The following ATP11B variants were observed in gnomAD, a reference collection of about 807,000 sequenced individuals.
ATP11B encodes ATPase phospholipid transporting 11B (putative).
ATP11B carries 81 observed loss-of-function variants against 157.8 expected under a neutral mutation model. The ratio of observed to expected loss-of-function variants is 0.51; its 90% confidence interval spans 0.43 to 0.62. The LOEUF (loss-of-function observed/expected upper bound fraction) is 0.62. ATP11B is among the 20% of genes least tolerant of loss of function. The probability of loss-of-function intolerance (pLI) is 0.00; values close to 1 mark genes in which losing one functional copy is unlikely to be tolerated. For missense variants in ATP11B, 1,165 were observed against 1,402.2 expected, an observed-to-expected ratio of 0.83 and a Z score of 2.70; for synonymous variants, 451 against 469.4, an observed-to-expected ratio of 0.96 and a Z score of 0.51.
rs1725415647 is a variant in ATP11B, at chr3:182,920,581, C to T, written c.*2477C>T. 1 of 152,172 alleles carries T rather than the reference C, an allele frequency of 6.6e-6. No homozygotes were observed. The highest frequency in any genetic ancestry group is 2.4e-5 in the African/African-American group (1 of 41,436). 9.4% of individuals were successfully genotyped at this position (152,172 alleles called of 1,614,324 possible). A position where few individuals can be genotyped will look rare whatever the true frequency, so the allele number is the denominator to read the frequency against. ...CAAAACCAGAGCAAAATGCTAAATA[C>T]GTTATTGCTAATCAGTGGTCTCAAA... On this transcript the variant is annotated 3_prime_UTR_variant, in exon 30 of 30. Transcript: ENST00000323116.
chr3:182,867,394 T>C lies in ATP11B; in HGVS notation c.1638T>C (p.Ile546=). The C allele has an allele frequency of 6.2e-7, 1 of 1,610,364 alleles. No individual in the cohort carries two copies. The highest frequency in any genetic ancestry group is 8.5e-7 in the Non-Finnish European group (1 of 1,176,806). ...EAAARIGIVF[I]GNSEETMEVK... is the part of the protein sequence containing the mutation. The stretch of plus-strand genomic sequence containing the variant: ...TGTCTAGGATTGGTATTGTGTTTAT[T>C]GGCAATTCTGAAGAAACTATGGAGG... The change falls in exon 15 of 30, where the codon ATT becomes ATC. Residue 546 remains isoleucine, a synonymous_variant. Transcript: ENST00000323116.
chr3:182,888,934 C>G (rs1369736809), intron 24 of ATP11B, among the ~76,000 whole-genome samples: 1 of 150,446 alleles, frequency 6.6e-6, no homozygotes, highest in African/African-American at 2.5e-5. Flanking sequence ...GTGATCTTAG[C>G]TCACTGCAAC....
intron 4 of ATP11B, among the ~76,000 whole-genome samples, chr3:182,832,941 T>C (rs1718264064): frequency 6.6e-6 from 1 of 152,042 alleles, no homozygotes; most frequent in African/African-American, 2.4e-5. Flanking sequence ...GGAAATATTA[T>C]TATTATTATT....
At chr3:182,908,869 C>A (rs1724570014) in intron 28 of ATP11B, among the ~76,000 whole-genome samples, 1 of 152,162 alleles carries the variant, frequency 6.6e-6, no homozygotes, top group Non-Finnish European at 1.5e-5. Context: ...CAAACCTCTT[C>A]TTTTTTCATT....
At chr3:182,913,833 C>G (rs1481449569) in intron 28 of ATP11B, 28 bp from the exon 29 acceptor site, 1 of 1,613,888 alleles carries the variant, frequency 6.2e-7, no homozygotes, top group East Asian at 2.2e-5. Flanking sequence ...CTTTAAACAA[C>G]TGATGTTTTC....
intron 20 of ATP11B, among the ~76,000 whole-genome samples, chr3:182,880,437 C>A (rs1347707534): frequency 6.6e-6 from 1 of 151,994 alleles, no homozygotes; most frequent in Admixed American, 6.5e-5. Flanking sequence ...AGAAATATTT[C>A]TTTTGAGTTC....
intron 9 of ATP11B, among the ~76,000 whole-genome samples, chr3:182,846,893 T>C (rs1719574466): frequency 6.6e-6 from 1 of 152,154 alleles, no homozygotes; most frequent in South Asian, 2.1e-4. Flanking sequence ...TTCAAAATTA[T>C]AAACGTACTA....
intron 4 of ATP11B, among the ~76,000 whole-genome samples, chr3:182,832,461 A>G (rs1299404758): frequency 2.0e-5 from 3 of 152,234 alleles, no homozygotes; most frequent in Non-Finnish European, 4.4e-5. Context: ...GAATACTTCC[A>G]TATATTGTTC....
At chr3:182,797,221 T>G (rs1035897988) in intron 1 of ATP11B, among the ~76,000 whole-genome samples, 3 of 152,220 alleles carry the variant, frequency 2.0e-5, no homozygotes, top group African/African-American at 7.2e-5. Context: ...TCTTTACTTT[T>G]TCTCTTAACT....
At chr3:182,903,308 A>G (rs1724099771) in intron 28 of ATP11B, among the ~76,000 whole-genome samples, 2 of 152,128 alleles carry the variant, frequency 1.3e-5, no homozygotes. Context: ...TTGGTTTCTT[A>G]CAGATTCTTA....
At chr3:182,851,274 G>T (rs1051906091) in intron 10 of ATP11B, among the ~76,000 whole-genome samples, 1 of 152,172 alleles carries the variant, frequency 6.6e-6, no homozygotes. Context: ...CTGGGTGACA[G>T]AGCGAGACTC....
chr3:182,912,979 C>T (rs1260043233), intron 28 of ATP11B, among the ~76,000 whole-genome samples: 1 of 152,064 alleles, frequency 6.6e-6, no homozygotes, highest in African/African-American at 2.4e-5. Context: ...TGGGATTCAT[C>T]GAGCTACGTG....
At chr3:182,868,620 A>G (rs73050692) in intron 15 of ATP11B, among the ~76,000 whole-genome samples, 18,289 of 151,960 alleles carry the variant, frequency 0.12, 1,236 homozygotes, top group African/African-American at 0.18. Context: ...TTTGATATTA[A>G]TGTGTGTTGT....
Position 182,859,242 on chromosome 3 carries a change from C to T in ATP11B, c.1083C>T (p.Val361=), listed in dbSNP as rs751961260. Residue 361 remains valine, a synonymous_variant, in exon 12 of 30, where the codon GTC becomes GTT. Transcript: ENST00000323116. ...FIIPISLYVT[V]EMQKFLGSFF... ...TTCCAATTTCATTATATGTGACAGT[C>T]GAAATGCAGAAATTTCTTGGATCAT... 2.2e-5 allele frequency: 35 copies of T among 1,612,346 alleles called. No individual in the cohort carries two copies. Among genetic ancestry groups the T allele is most frequent in the Non-Finnish European group, 2.6e-5 (31 of 1,179,034 alleles).
chr3:182,813,046 T>C (rs1363319520), intron 1 of ATP11B, among the ~76,000 whole-genome samples: 1 of 152,240 alleles, frequency 6.6e-6, no homozygotes, highest in Non-Finnish European at 1.5e-5. Context: ...GTGCCAACAT[T>C]TTCTTCCTTT....
chr3:182,915,681 A>G (rs1027875), intron 29 of ATP11B: 228,739 of 976,940 alleles, frequency 0.23, 27,856 homozygotes, highest in East Asian at 0.55. Context: ...ACATATATCC[A>G]TTTTCTTGAT....
At chr3:182,844,702 T>C in intron 8 of ATP11B, 1 of 213,932 alleles carries the variant, frequency 4.7e-6, no homozygotes, top group Non-Finnish European at 8.0e-6. Context: ...TCCATTTATA[T>C]GCAAATCATA....
In ATP11B at chr3:182,848,542, G is replaced by T. The variant is rs73177313; in HGVS notation, c.836G>T (p.Arg279Leu). The change falls in exon 10 of 30, where the codon CGA becomes CTA. Residue 279 changes from arginine (R) to leucine (L), a missense_variant. Coordinates refer to ENST00000323116, the MANE Select transcript of ATP11B (RefSeq NM_014616.3). The stretch of plus-strand genomic sequence containing the variant: ...AATTACAAGAGCAAATCACAGAAAC[G>T]ATCTGCAGTAGAAAAGTAAGAAAAC... ...ALNYKSKSQK[R>L]SAVEKSMNTF... 8.4e-6 allele frequency: 13 copies of T among 1,555,588 alleles called. No homozygotes were observed. Among genetic ancestry groups the T allele is most frequent in the East Asian group, 2.4e-5 (1 of 42,544 alleles).
chr3:182,897,799 A>G (rs116448288), intron 27 of ATP11B, among the ~76,000 whole-genome samples: 1,603 of 152,216 alleles, frequency 0.011, 34 homozygotes, highest in African/African-American at 0.036. Flanking sequence ...AGTAAGTCAC[A>G]TAGAACCATT....
Sources: allele counts gnomAD v4.1 joint callset (sites outside exome capture counted in the v4.1 genomes callset), GRCh38; gene constraint gnomAD v4.1.1; transcripts MANE v1.5; gene names NCBI Gene and HGNC (gene_info 2026-07-23, HGNC 2026-07-21).